ZNF804B: variants seen among roughly 807,000 people sequenced by gnomAD.
ZNF804B encodes zinc finger protein 804B, also known as zinc finger 804B.
A neutral mutation model predicts 101.4 loss-of-function variants in ZNF804B; 80 were observed. That is an observed-to-expected ratio of 0.79 (90% CI 0.66 to 0.95). The LOEUF is 0.95. Among genes scored for constraint, ZNF804B ranks in the 40% least tolerant of loss-of-function variants. The probability of loss-of-function intolerance (pLI) is 0.00; values close to 1 mark genes in which losing one functional copy is unlikely to be tolerated. For synonymous variants in ZNF804B, 622 were observed against 558.8 expected, an observed-to-expected ratio of 1.11 and a Z score of -1.59; for missense variants, 1,673 against 1,561.9, an observed-to-expected ratio of 1.07 and a Z score of -1.20.
intron 1 of ZNF804B, among the ~76,000 whole-genome samples, chr7:88,864,790 T>C (rs1791700985): frequency 6.6e-6 from 1 of 152,132 alleles, no homozygotes; most frequent in Non-Finnish European, 1.5e-5. Flanking sequence ...GGGTCAGTTG[T>C]GGCAGTGGCA....
chr7:89,287,406 A>G (rs1339554347), intron 2 of ZNF804B, among the ~76,000 whole-genome samples: 1 of 152,212 alleles, frequency 6.6e-6, no homozygotes, highest in Non-Finnish European at 1.5e-5. Context: ...AGTGACATGA[A>G]TCTCAAATTT....
intron 1 of ZNF804B, among the ~76,000 whole-genome samples, chr7:89,103,546 AT>A (rs1440148153): frequency 6.6e-6 from 1 of 151,712 alleles, no homozygotes. Context: ...CTTGAATGCT[AT>A]TGGTGTACAG....
At chr7:89,271,549 G>T (rs1336144273) in intron 2 of ZNF804B, among the ~76,000 whole-genome samples, 1 of 152,070 alleles carries the variant, frequency 6.6e-6, no homozygotes, top group Non-Finnish European at 1.5e-5. Flanking sequence ...TTGTGTCTCT[G>T]CCAGGCTTTG....
intron 1 of ZNF804B, among the ~76,000 whole-genome samples, chr7:88,832,092 T>G (rs1025762749): frequency 5.3e-5 from 8 of 151,802 alleles, no homozygotes; most frequent in African/African-American, 1.7e-4. Context: ...GCTCTGTGTT[T>G]CCCTAATTAA....
intron 1 of ZNF804B, among the ~76,000 whole-genome samples, chr7:88,911,199 C>A (rs555225512): frequency 6.6e-6 from 1 of 151,552 alleles, no homozygotes; most frequent in Non-Finnish European, 1.5e-5. Flanking sequence ...TATGTAAGTG[C>A]GAAAGGACAT....
chr7:88,896,814 G>A (rs891028745), intron 1 of ZNF804B, among the ~76,000 whole-genome samples: 5 of 152,190 alleles, frequency 3.3e-5, no homozygotes, highest in Admixed American at 1.3e-4. Flanking sequence ...AAGATAGAAA[G>A]GTTGTCTTTC....
At chr7:88,992,924 T>A (rs1247570603) in intron 1 of ZNF804B, among the ~76,000 whole-genome samples, 2 of 152,036 alleles carry the variant, frequency 1.3e-5, no homozygotes, top group African/African-American at 4.8e-5. Flanking sequence ...ATTCTAGTGA[T>A]AAAATTGAAT....
chr7:89,117,945 G>A lies in ZNF804B; in HGVS notation c.109-100210G>A, dbSNP rs577253903. 2.0e-5 allele frequency among the ~76,000 whole-genome samples: 3 copies of A among 152,148 alleles called. No individual in the cohort carries two copies. The East Asian group carries it at 5.8e-4, about 29-fold the overall frequency. ...CTACTGTTAAAAAATGATGGAAAAT[G>A]TATCATTTGTTAGCAGACTTTTGAA... On this transcript the variant is annotated intron_variant, in intron 1 of 3. Transcript: ENST00000333190.
At chr7:88,816,019 C>G (rs1790870262) in intron 1 of ZNF804B, among the ~76,000 whole-genome samples, 1 of 152,148 alleles carries the variant, frequency 6.6e-6, no homozygotes, top group African/African-American at 2.4e-5. Context: ...TACTCCGACT[C>G]TAAATATTTC....
chr7:88,791,672 C>A (rs1586903845), intron 1 of ZNF804B, among the ~76,000 whole-genome samples: 1 of 152,132 alleles, frequency 6.6e-6, no homozygotes, highest in Non-Finnish European at 1.5e-5. Flanking sequence ...GATTGGCCTA[C>A]TAGTACATTT....
chr7:89,232,707 T>C (rs1012961030), intron 2 of ZNF804B, among the ~76,000 whole-genome samples: 1 of 152,170 alleles, frequency 6.6e-6, no homozygotes, highest in African/African-American at 2.4e-5. Context: ...TAATATACCC[T>C]ATCTAATATC....
At chr7:88,963,607 G>T (rs1012680097) in intron 1 of ZNF804B, among the ~76,000 whole-genome samples, 2 of 151,264 alleles carry the variant, frequency 1.3e-5, no homozygotes, top group Admixed American at 1.3e-4. Flanking sequence ...GTTTATAATT[G>T]CATTTGCCTG....
At chr7:89,107,244 C>G (rs896729624) in intron 1 of ZNF804B, among the ~76,000 whole-genome samples, 1 of 151,794 alleles carries the variant, frequency 6.6e-6, no homozygotes, top group African/African-American at 2.4e-5. Context: ...TTTTTGATAT[C>G]ATGCATGATG....
chr7:88,863,239 C>T (rs1162759652), intron 1 of ZNF804B, among the ~76,000 whole-genome samples: 1 of 152,188 alleles, frequency 6.6e-6, no homozygotes, highest in African/African-American at 2.4e-5. Context: ...CCGAACCCTA[C>T]CTCGGCTTCC....
chr7:88,785,610 T>A (rs2115670414), intron 1 of ZNF804B, among the ~76,000 whole-genome samples: 1 of 152,244 alleles, frequency 6.6e-6, no homozygotes, highest in South Asian at 2.1e-4. Context: ...GCTTTAAATG[T>A]TTGCATAATC....
intron 2 of ZNF804B, among the ~76,000 whole-genome samples, chr7:89,324,293 T>A (rs1790865800): frequency 6.6e-6 from 1 of 152,008 alleles, no homozygotes; most frequent in African/African-American, 2.4e-5. Context: ...CCTTTCTTAT[T>A]CCTGGTAAAA....
At chr7:88,996,882 AC>A (rs1206418309) in intron 1 of ZNF804B, among the ~76,000 whole-genome samples, 6 of 152,180 alleles carry the variant, frequency 3.9e-5, no homozygotes, top group African/African-American at 1.4e-4. Context: ...ACCTACCAGG[AC>A]ATTTAGGTTG....
chr7:88,934,800 A>G (rs1469350702), intron 1 of ZNF804B, among the ~76,000 whole-genome samples: 1 of 151,836 alleles, frequency 6.6e-6, no homozygotes, highest in Non-Finnish European at 1.5e-5. Flanking sequence ...TGGGAATGTA[A>G]ACTATGAAAA....
At chr7:89,238,409 T>C (rs1249726331) in intron 2 of ZNF804B, among the ~76,000 whole-genome samples, 1 of 152,148 alleles carries the variant, frequency 6.6e-6, no homozygotes, top group East Asian at 1.9e-4. Context: ...TATGGAGTCA[T>C]TGAATCATTT....
Sources: gnomAD v4.1 joint callset for allele counts (sites outside exome capture counted in the v4.1 genomes callset) on GRCh38, gnomAD v4.1.1 for gene constraint, MANE v1.5 for transcripts, NCBI Gene and HGNC (gene_info 2026-07-23, HGNC 2026-07-21) for gene names.